The following ARHGEF26 variants were observed in gnomAD, a reference collection of about 807,000 sequenced individuals.
The protein encoded by ARHGEF26 is Rho guanine nucleotide exchange factor (GEF) 26.
Under a neutral mutation model 89.4 loss-of-function variants are expected in ARHGEF26, and 59 were observed. The observed-to-expected ratio is 0.66, with a 90% CI of 0.54 to 0.82. The LOEUF (loss-of-function observed/expected upper bound fraction) is 0.82. ARHGEF26 is among the 40% of genes least tolerant of loss of function. The pLI is 0.00. For missense variants in ARHGEF26, 1,234 were observed against 1,085.6 expected (o/e 1.14, Z -1.92); for synonymous variants, 500 against 428.4 (o/e 1.17, Z -2.06).
chr3:154,141,927 C>G (rs921593533), intron 4 of ARHGEF26, among the ~76,000 whole-genome samples: 2 of 152,120 alleles, frequency 1.3e-5, no homozygotes, highest in African/African-American at 4.8e-5. Context: ...CATTTGTTTT[C>G]CACTGCACTG....
At chr3:154,150,640 A>G (rs1174827158) in intron 5 of ARHGEF26, among the ~76,000 whole-genome samples, 3 of 152,080 alleles carry the variant, frequency 2.0e-5, no homozygotes, top group East Asian at 1.9e-4. Context: ...TATTTTTCCA[A>G]TGCTGGACAG....
rs984104536 is a variant in ARHGEF26, at chr3:154,124,360, A to G, written c.1084-50A>G. On this transcript the variant is annotated intron_variant, in intron 2 of 14. Transcript: ENST00000465093. ...TTTTCTATTTGGCTCATTCATACAT[A>G]GTTTGCTTTTCCTTTTTTTTTTTTT... 8.1e-6 allele frequency: 10 copies of G among 1,227,974 alleles called. No homozygotes were observed. In the African/African-American group the frequency reaches 1.7e-4, roughly 21 times the overall value. The allele number at this position is 1,227,974 out of a possible 1,614,324, so 76.1% of individuals were successfully genotyped here.
At chr3:154,216,478 G>GTTTATTTTTTTTTTTTTTTTTT (rs1715730868) in intron 9 of ARHGEF26, among the ~76,000 whole-genome samples, 1 of 37,698 alleles carries the variant, frequency 2.7e-5, no homozygotes, top group African/African-American at 1.2e-4. Flanking sequence ...TTCAGCACTT[G>GTTTATTTTTTTTTTTTTTTTTT]TTTTTTTTTT....
chr3:154,164,908 A>G (rs1335442719), intron 6 of ARHGEF26, among the ~76,000 whole-genome samples: 1 of 152,222 alleles, frequency 6.6e-6, no homozygotes, highest in Non-Finnish European at 1.5e-5. Flanking sequence ...TTGAGATTTT[A>G]CTTGAAGGCA....
intron 9 of ARHGEF26, among the ~76,000 whole-genome samples, chr3:154,216,832 A>G (rs1191855229): frequency 6.3e-5 from 5 of 79,794 alleles, no homozygotes; most frequent in Admixed American, 1.5e-4. Context: ...ATGATTTCCA[A>G]TTTCATCCAT....
chr3:154,178,325 A>G (rs1188050044), intron 6 of ARHGEF26, among the ~76,000 whole-genome samples: 1 of 152,208 alleles, frequency 6.6e-6, no homozygotes, highest in Non-Finnish European at 1.5e-5. Flanking sequence ...TAGATTGTGC[A>G]ACCATCACCA....
rs766924587 is a variant in ARHGEF26 at position 154,256,847 on chromosome 3, G to GAAC, written c.*1375_*1377dup. On this transcript the variant is annotated 3_prime_UTR_variant, in exon 15 of 15. Transcript: ENST00000465093. ...TCCCTCTTAACTGTGAGTTTCTATA[G>GAAC]AACTTTACTTTTTCCACTAGTGCAC... 1.6e-4 allele frequency: 240 copies of GAAC among 1,532,220 alleles called. No individual in the cohort carries two copies. In the Middle Eastern group the frequency reaches 1.7e-3, roughly 11 times the overall value. 94.9% of individuals were successfully genotyped at this position (1,532,220 alleles called of 1,614,324 possible). A position where few individuals can be genotyped will look rare whatever the true frequency, so the allele number is the denominator to read the frequency against.
intron 4 of ARHGEF26, among the ~76,000 whole-genome samples, chr3:154,133,002 A>G (rs773960155): frequency 6.6e-6 from 1 of 152,164 alleles, no homozygotes; most frequent in Non-Finnish European, 1.5e-5. Context: ...GAGTGAGTGC[A>G]CATGTGCATT....
At chr3:154,244,192 C>G (rs1170816838) in intron 12 of ARHGEF26, among the ~76,000 whole-genome samples, 1 of 152,062 alleles carries the variant, frequency 6.6e-6, no homozygotes, top group African/African-American at 2.4e-5. Flanking sequence ...GAATTTTACA[C>G]CTAAATCTTT....
chr3:154,149,630 T>A (rs1719898583), intron 5 of ARHGEF26, among the ~76,000 whole-genome samples, 185 bp downstream of exon 5: 1 of 152,246 alleles, frequency 6.6e-6, no homozygotes. Context: ...AAAGAAAAAA[T>A]TTTAAATATC....
chr3:154,249,453 T>C (rs1356318936), intron 12 of ARHGEF26, among the ~76,000 whole-genome samples: 1 of 152,248 alleles, frequency 6.6e-6, no homozygotes, highest in African/African-American at 2.4e-5. Context: ...TTGAGGGTTA[T>C]GAAAAGACTA....
At chr3:154,160,570 T>C (rs913264464) in intron 6 of ARHGEF26, among the ~76,000 whole-genome samples, 1 of 152,068 alleles carries the variant, frequency 6.6e-6, no homozygotes, top group African/African-American at 2.4e-5. Flanking sequence ...AAACCTGAGA[T>C]GGTTGTCCAG....
chr3:154,197,714 A>G (rs1714376568), intron 9 of ARHGEF26, among the ~76,000 whole-genome samples: 1 of 152,172 alleles, frequency 6.6e-6, no homozygotes, highest in Non-Finnish European at 1.5e-5. Flanking sequence ...ACCTAATCAA[A>G]CAACTCAAAA....
intron 6 of ARHGEF26, among the ~76,000 whole-genome samples, chr3:154,159,356 G>C (rs538539771): frequency 5.9e-5 from 9 of 152,160 alleles, no homozygotes; most frequent in African/African-American, 2.2e-4. Flanking sequence ...AACTATGCTT[G>C]TCTTCAATTT....
intron 3 of ARHGEF26, 123 bp from the exon 4 acceptor site, chr3:154,129,451 A>T (rs951798161): frequency 9.2e-7 from 1 of 1,082,998 alleles, no homozygotes; most frequent in Admixed American, 2.8e-5. Flanking sequence ...CAGGGACTAA[A>T]TCTGTTTGTC....
At position 154,225,839 on chromosome 3, in the gene ARHGEF26, T is replaced by G. The variant is rs1716449798; in HGVS notation, c.1936-17T>G. The G allele has an allele frequency of 6.3e-7, 1 of 1,581,908 alleles. No individual in the cohort carries two copies. The highest frequency in any genetic ancestry group is 2.0e-5 in the Admixed American group (1 of 50,944). ...TTTCAATTTAGCTTTGGTCACTGGGTTTTTCTCCTTTTGTAGCCTTTTCCT... is the reference window on the plus strand; with the variant it reads ...TTTCAATTTAGCTTTGGTCACTGGGGTTTTCTCCTTTTGTAGCCTTTTCCT... On this transcript the variant is annotated splice_polypyrimidine_tract_variant and intron_variant, in intron 10 of 14. Coordinates refer to ENST00000465093, the MANE Select transcript of ARHGEF26 (RefSeq NM_015595.4).
chr3:154,241,431 A>G (rs1317373282), intron 12 of ARHGEF26, among the ~76,000 whole-genome samples: 1 of 152,190 alleles, frequency 6.6e-6, no homozygotes, highest in Non-Finnish European at 1.5e-5. Flanking sequence ...ATGAATAACA[A>G]CCCTAAAATT....
At chr3:154,196,789 AACGGGGG>A (rs969734661) in intron 9 of ARHGEF26, among the ~76,000 whole-genome samples, 6 of 152,104 alleles carry the variant, frequency 3.9e-5, no homozygotes, top group African/African-American at 1.4e-4. Flanking sequence ...TGGGGAGGGA[AACGGGGG>A]AAGGTTTTTA....
At chr3:154,169,005 A>G (rs906060616) in intron 6 of ARHGEF26, among the ~76,000 whole-genome samples, 2 of 152,166 alleles carry the variant, frequency 1.3e-5, no homozygotes, top group Non-Finnish European at 2.9e-5. Flanking sequence ...AAGATTAGAA[A>G]TGTAAAGTAC....
Sources: gnomAD v4.1 joint callset for allele counts (sites outside exome capture counted in the v4.1 genomes callset) on GRCh38, gnomAD v4.1.1 for gene constraint, MANE v1.5 for transcripts, NCBI Gene and HGNC (gene_info 2026-07-23, HGNC 2026-07-21) for gene names.